Variants in NUP205 observed in about 807,000 individuals in gnomAD.
NUP205 encodes nucleoporin 205.
NUP205 carries 76 observed loss-of-function variants against 253.8 expected under a neutral mutation model. That is an observed-to-expected ratio of 0.30 (90% CI 0.25 to 0.36). The LOEUF is 0.36. Among genes scored for constraint, NUP205 ranks in the 10% least tolerant of loss-of-function variants. The probability of loss-of-function intolerance (pLI) is 1.00; values close to 1 mark genes in which losing one functional copy is unlikely to be tolerated. For missense variants in NUP205, 2,162 were observed against 2,425.5 expected (o/e 0.89, Z 2.28); for synonymous variants, 832 against 850.1 (o/e 0.98, Z 0.37).
In NUP205 at chr7:135,619,442, C is replaced by T. The variant is rs751231277; in HGVS notation, c.3983C>T (p.Ala1328Val). 9.3e-6 allele frequency: 15 copies of T among 1,612,878 alleles called. No individual in the cohort carries two copies. The highest frequency in any genetic ancestry group is 2.2e-5 in the East Asian group (1 of 44,880). ...TTTAAGATACTGGATGATGAAGCTG[C>T]GCAAGAGTTAATGCCTGTGGTCGCC... is the stretch of plus-strand genomic sequence containing the variant. ...VHDKILDDEAAQELMPVVAGA... is the reference protein window; with the variant it reads ...VHDKILDDEAVQELMPVVAGA... The change falls in exon 29 of 43, where the codon GCG becomes GTG. Residue 1328 changes from alanine (A) to valine (V), a missense_variant. By Grantham distance (64) the Ala-to-Val change is moderately conservative. Transcript: ENST00000285968.
At chr7:135,637,714 A>G (rs1439141764) in intron 36 of NUP205, among the ~76,000 whole-genome samples, 1 of 152,250 alleles carries the variant, frequency 6.6e-6, no homozygotes, top group African/African-American at 2.4e-5. Context: ...GCTTTAAAAA[A>G]AAAGGGTACT....
chr7:135,592,833 G>GC (rs1367912283), intron 11 of NUP205, among the ~76,000 whole-genome samples, 154 bp from the exon 12 acceptor site: 1 of 152,190 alleles, frequency 6.6e-6, no homozygotes, highest in Admixed American at 6.5e-5. Context: ...GTTGCAGTGA[G>GC]CTGAGATTGC....
At chr7:135,635,721 C>A in intron 36 of NUP205, 64 bp downstream of exon 36, 2 of 915,258 alleles carry the variant, frequency 2.2e-6, no homozygotes, top group Middle Eastern at 2.7e-4. Context: ...ACCATCCTCC[C>A]CATTGTGCCC....
At chr7:135,632,405 C>G (rs1180165179) in intron 35 of NUP205, among the ~76,000 whole-genome samples, 1 of 152,150 alleles carries the variant, frequency 6.6e-6, no homozygotes, top group African/African-American at 2.4e-5. Flanking sequence ...ATAGAGTTTC[C>G]CAGGCAGTAC....
At chr7:135,594,362 G>A (rs557008102) in intron 12 of NUP205, among the ~76,000 whole-genome samples, 185 bp from the exon 13 acceptor site, 8 of 152,062 alleles carry the variant, frequency 5.3e-5, no homozygotes, top group African/African-American at 1.7e-4. Context: ...TTTTTACTTC[G>A]AATAAATGAG....
At position 135,600,881 on chromosome 7, in the gene NUP205, T is replaced by G. The variant is rs1301052979; in HGVS notation, c.2286T>G (p.Ala762=). Residue 762 remains alanine (A), a synonymous_variant, in exon 16 of 43, where the codon GCT becomes GCG. Coordinates refer to ENST00000285968, the MANE Select transcript of NUP205 (RefSeq NM_015135.3). The part of the protein sequence containing the change: ...YRRAAEKWEV[A]EVVLEVFYKL... ...ATATCTTTCTATAGTGGGAAGTTGC[T>G]GAGGTGGTTTTGGAGGTGTTTTATA... 8.7e-6 allele frequency: 14 copies of G among 1,606,124 alleles called. 1 individual carries two copies. In the East Asian group the frequency reaches 3.1e-4, roughly 36 times the overall value.
At chr7:135,584,079 G>A (rs932781068) in intron 7 of NUP205, among the ~76,000 whole-genome samples, 2 of 151,838 alleles carry the variant, frequency 1.3e-5, no homozygotes, top group Non-Finnish European at 2.9e-5. Context: ...CAAAGTGCTG[G>A]GATTACAGGC....
chr7:135,564,137 G>A (rs1181371293), intron 1 of NUP205, among the ~76,000 whole-genome samples: 1 of 151,628 alleles, frequency 6.6e-6, no homozygotes, highest in Non-Finnish European at 1.5e-5. Context: ...GGAGTGCAGT[G>A]GCTCAGTCAT....
chr7:135,631,780 T>C lies in NUP205; in HGVS notation c.5059+1310T>C, dbSNP rs373159520. 7.0e-3 allele frequency among the ~76,000 whole-genome samples: 1,054 copies of C among 151,442 alleles called. 8 individuals are homozygous for C. Among genetic ancestry groups the C allele is most frequent in the Non-Finnish European group, 9.1e-3 (618 of 67,756 alleles). The stretch of plus-strand genomic sequence containing the variant: ...TCTTTTTTTTTTTGAGACGGAGTCT[T>C]GCTCTGTCGCCCAGGCTAGAGTGCA... On this transcript the variant is annotated intron_variant, in intron 35 of 42. Coordinates refer to ENST00000285968, the MANE Select transcript of NUP205 (RefSeq NM_015135.3).
chr7:135,563,909 G>A (rs1438101645), intron 1 of NUP205, among the ~76,000 whole-genome samples: 2 of 151,956 alleles, frequency 1.3e-5, no homozygotes, highest in East Asian at 1.9e-4. Flanking sequence ...GGTTGCTTGA[G>A]CCCAGGAGTT....
Position 135,594,771 on chromosome 7 carries a change from A to G in NUP205, c.2013+42A>G, listed in dbSNP as rs868421859. 18 of 1,478,948 alleles carry G rather than the reference A, an allele frequency of 1.2e-5. No individual in the cohort carries two copies. In the Middle Eastern group the frequency reaches 3.0e-3, roughly 242 times the overall value. The allele number at this position is 1,478,948 out of a possible 1,614,324, so 91.6% of individuals were successfully genotyped here. A position where few individuals can be genotyped will look rare whatever the true frequency, so the allele number is the denominator to read the frequency against. ...CCTTATTTATATTATCCCAATGTGG[A>G]AAGTTGGGCTTGATAATACCATAGA... On this transcript the variant is annotated intron_variant, in intron 13 of 42. Transcript: ENST00000285968.
chr7:135,570,052 T>TATATATATAGAG (rs1284263475), intron 1 of NUP205, among the ~76,000 whole-genome samples: 3 of 79,184 alleles, frequency 3.8e-5, no homozygotes, highest in South Asian at 5.1e-4. Flanking sequence ...TATATATATA[T>TATATATATAGAG]AGAGAGAGAG....
At chr7:135,581,631 C>T (rs867881893) in intron 7 of NUP205, among the ~76,000 whole-genome samples, 2 of 151,870 alleles carry the variant, frequency 1.3e-5, no homozygotes, top group South Asian at 2.1e-4. Flanking sequence ...GCAGGTGGAT[C>T]GCTTGAGGTC....
At chr7:135,580,754 T>C (rs1217406862) in intron 7 of NUP205, among the ~76,000 whole-genome samples, 1 of 152,112 alleles carries the variant, frequency 6.6e-6, no homozygotes, top group Non-Finnish European at 1.5e-5. Context: ...CGAGCCACCA[T>C]GCCCAGGTGT....
chr7:135,629,553 G>A (rs1318880688), intron 34 of NUP205, among the ~76,000 whole-genome samples: 1 of 140,144 alleles, frequency 7.1e-6, no homozygotes, highest in Non-Finnish European at 1.5e-5. Flanking sequence ...TTGAGACAGA[G>A]TCTCACTTCG....
At chr7:135,597,690 G>A (rs1793875158) in intron 14 of NUP205, 1 of 452,960 alleles carries the variant, frequency 2.2e-6, no homozygotes, top group Non-Finnish European at 3.9e-6. Context: ...GATTACTTGA[G>A]TCAACCTGAA....
chr7:135,586,967 C>T (rs1361261214), intron 8 of NUP205, among the ~76,000 whole-genome samples: 1 of 151,604 alleles, frequency 6.6e-6, no homozygotes, highest in Non-Finnish European at 1.5e-5. Flanking sequence ...TTTCCATATC[C>T]TTACTGATTT....
chr7:135,631,969 TCTC>T (rs1429078546), intron 35 of NUP205, among the ~76,000 whole-genome samples: 10 of 152,250 alleles, frequency 6.6e-5, no homozygotes, highest in Admixed American at 6.5e-4. Context: ...CAGGTCTTGA[TCTC>T]CTGACCTTGT....
intron 12 of NUP205, 41 bp from the exon 13 acceptor site, chr7:135,594,506 T>C (rs1424653560): frequency 6.7e-7 from 1 of 1,490,828 alleles, no homozygotes; most frequent in Non-Finnish European, 9.1e-7. Flanking sequence ...TTAATAACTT[T>C]TAAAAATGGA....
Sources: gnomAD v4.1 joint callset for allele counts (sites outside exome capture counted in the v4.1 genomes callset) on GRCh38, gnomAD v4.1.1 for gene constraint, MANE v1.5 for transcripts, NCBI Gene and HGNC (gene_info 2026-07-23, HGNC 2026-07-21) for gene names.